The following IGSF11 variants were observed in gnomAD, a reference collection of about 807,000 sequenced individuals.
The protein encoded by IGSF11 is CXADR like 1.
A neutral mutation model predicts 41.0 loss-of-function variants in IGSF11; 22 were observed. The observed-to-expected ratio is 0.54, with a 90% confidence interval of 0.38 to 0.77. IGSF11 has a LOEUF of 0.77. Among genes scored for constraint, IGSF11 ranks in the 30% least tolerant of loss-of-function variants. The pLI is 0.00. For missense variants in IGSF11, 444 were observed against 530.8 expected, an observed-to-expected ratio of 0.84 and a Z score of 1.61; for synonymous variants, 219 against 201.3, an observed-to-expected ratio of 1.09 and a Z score of -0.74.
chr3:118,917,840 T>C (rs1418050931), intron 4 of IGSF11, among the ~76,000 whole-genome samples: 3 of 149,900 alleles, frequency 2.0e-5, no homozygotes, highest in African/African-American at 2.4e-5. Flanking sequence ...TTGATGAACA[T>C]TGATGCAAAA....
At chr3:118,968,777 T>C (rs1169387014) in intron 1 of IGSF11, among the ~76,000 whole-genome samples, 1 of 152,210 alleles carries the variant, frequency 6.6e-6, no homozygotes, top group Non-Finnish European at 1.5e-5. Flanking sequence ...TAGCTACCTA[T>C]TTTTAAGTGA....
At chr3:119,066,046 T>C (rs1426645956) in intron 1 of IGSF11, among the ~76,000 whole-genome samples, 2 of 152,132 alleles carry the variant, frequency 1.3e-5, no homozygotes, top group Non-Finnish European at 2.9e-5. Flanking sequence ...AATGCATCCA[T>C]TTCATCATAA....
chr3:119,050,369 T>C (rs1354358933), intron 1 of IGSF11, among the ~76,000 whole-genome samples: 1 of 152,164 alleles, frequency 6.6e-6, no homozygotes, highest in Non-Finnish European at 1.5e-5. Flanking sequence ...AGAAGACATT[T>C]ATGCAGCCAA....
chr3:118,945,268 T>C (rs538636298), intron 1 of IGSF11, among the ~76,000 whole-genome samples: 23 of 152,300 alleles, frequency 1.5e-4, no homozygotes, highest in African/African-American at 5.3e-4. Flanking sequence ...ATCGTCCCAG[T>C]AGCATCAAAC....
chr3:119,000,063 C>CTTTTTTTTTT (rs1297321950), intron 1 of IGSF11, among the ~76,000 whole-genome samples: 2 of 98,722 alleles, frequency 2.0e-5, no homozygotes, highest in Non-Finnish European at 4.1e-5. Flanking sequence ...ATTCATTATT[C>CTTTTTTTTTT]TTTTTTTTTT....
intron 1 of IGSF11, among the ~76,000 whole-genome samples, chr3:119,006,232 A>G (rs138907675): frequency 0.038 from 4,536 of 118,638 alleles, 106 homozygotes; most frequent in Middle Eastern, 0.072. Context: ...CATCGCTGAT[A>G]CCCTTTCTTC....
At chr3:118,944,203 GT>G (rs908784350) in intron 1 of IGSF11, among the ~76,000 whole-genome samples, 12 of 152,172 alleles carry the variant, frequency 7.9e-5, no homozygotes, top group African/African-American at 2.9e-4. Context: ...GAAGTAAAGA[GT>G]TTGGTTATCC....
chr3:119,011,133 A>C (rs940027043), intron 1 of IGSF11, among the ~76,000 whole-genome samples: 2 of 152,320 alleles, frequency 1.3e-5, no homozygotes, highest in South Asian at 2.1e-4. Context: ...AGTGACCAAA[A>C]CCGGCCATGT....
chr3:118,961,490 G>A (rs1161491973), intron 1 of IGSF11, among the ~76,000 whole-genome samples: 1 of 152,150 alleles, frequency 6.6e-6, no homozygotes, highest in Non-Finnish European at 1.5e-5. Flanking sequence ...TGTTTAAAAT[G>A]TTCACATTAA....
At chr3:119,120,707 G>C (rs1226715800) in intron 1 of IGSF11, among the ~76,000 whole-genome samples, 2 of 152,202 alleles carry the variant, frequency 1.3e-5, no homozygotes, top group Non-Finnish European at 2.9e-5. Flanking sequence ...CATGATACCT[G>C]TACAGGTTTT....
chr3:119,025,795 C>A (rs1320795049), intron 1 of IGSF11, among the ~76,000 whole-genome samples: 1 of 152,090 alleles, frequency 6.6e-6, no homozygotes, highest in Non-Finnish European at 1.5e-5. Context: ...ACAGAAATAT[C>A]TATACAAATG....
At chr3:118,985,069 A>AAAT (rs995724948) in intron 1 of IGSF11, among the ~76,000 whole-genome samples, 1 of 152,156 alleles carries the variant, frequency 6.6e-6, no homozygotes, top group African/African-American at 2.4e-5. Flanking sequence ...TCTAATAATG[A>AAAT]AATAATAATA....
rs202120115 is a variant in IGSF11, at chr3:118,928,490, G to A, written c.424+19C>T. On this transcript the variant is annotated intron_variant, in intron 3 of 6. Coordinates refer to ENST00000393775, the MANE Select transcript of IGSF11 (RefSeq NM_001015887.3). ...TCGTGAGTAAAGCCCGAACAGCCAA[G>A]GACTCTTGTGTCACTCACCTAACAC... 1.9e-6 allele frequency: 3 copies of A among 1,601,786 alleles called. No individual in the cohort carries two copies. The highest frequency in any genetic ancestry group is 2.2e-5 in the South Asian group (2 of 90,770).
At chr3:118,916,314 G>A (rs1444846830) in intron 4 of IGSF11, among the ~76,000 whole-genome samples, 10 of 152,198 alleles carry the variant, frequency 6.6e-5, no homozygotes, top group African/African-American at 2.2e-4. Flanking sequence ...AGACTGGCGA[G>A]TTGGATAAAG....
chr3:119,103,115 A>G (rs1279774858), intron 1 of IGSF11, among the ~76,000 whole-genome samples: 1 of 150,200 alleles, frequency 6.7e-6, no homozygotes, highest in East Asian at 2.0e-4. Context: ...CTCCTGCCTC[A>G]GTCTCCCAAG....
chr3:119,109,305 G>C (rs1279138880), upstream of IGSF11, among the ~76,000 whole-genome samples: 14 of 151,238 alleles, frequency 9.3e-5, no homozygotes, highest in Non-Finnish European at 1.3e-4. Flanking sequence ...ACTTCTTCCT[G>C]GTTTAGTCTT....
At chr3:118,939,780 T>A (rs1324732335) in intron 1 of IGSF11, among the ~76,000 whole-genome samples, 3 of 152,196 alleles carry the variant, frequency 2.0e-5, no homozygotes, top group Non-Finnish European at 4.4e-5. Flanking sequence ...ATCAATGACC[T>A]AAGTTTCCAC....
At chr3:118,930,860 T>C (rs981711567) in intron 1 of IGSF11, among the ~76,000 whole-genome samples, 5 of 152,176 alleles carry the variant, frequency 3.3e-5, no homozygotes, top group South Asian at 2.1e-4. Flanking sequence ...AGTAGTCTTT[T>C]TGCAAATGTT....
intron 1 of IGSF11, among the ~76,000 whole-genome samples, chr3:118,935,411 T>C (rs576345391): frequency 2.0e-4 from 28 of 143,144 alleles, no homozygotes; most frequent in Non-Finnish European, 1.2e-4. Flanking sequence ...CACACACATA[T>C]ACATACGTAT....
Sources: allele counts gnomAD v4.1 joint callset (sites outside exome capture counted in the v4.1 genomes callset), GRCh38; gene constraint gnomAD v4.1.1; transcripts MANE v1.5; gene names NCBI Gene and HGNC (gene_info 2026-07-23, HGNC 2026-07-21).